Variants in YES1 observed in about 807,000 individuals in gnomAD.
YES1 encodes the protein YES proto-oncogene 1, Src family tyrosine kinase.
A neutral mutation model predicts 70.4 loss-of-function variants in YES1; 39 were observed. The ratio of observed to expected loss-of-function variants is 0.55; its 90% confidence interval spans 0.43 to 0.72. YES1 has a LOEUF of 0.72. Among genes scored for constraint, YES1 ranks in the 30% least tolerant of loss-of-function variants. YES1 has a pLI of 0.00. For synonymous variants in YES1, 198 were observed against 218.6 expected, an observed-to-expected ratio of 0.91 and a Z score of 0.83; for missense variants, 495 against 644.8, an observed-to-expected ratio of 0.77 and a Z score of 2.52.
intron 1 of YES1, among the ~76,000 whole-genome samples, chr18:777,989 A>G (rs116246620): frequency 1.3e-5 from 2 of 152,172 alleles, no homozygotes; most frequent in Non-Finnish European, 2.9e-5. Context: ...TTACACTGTT[A>G]AAGTATTTTG....
At chr18:786,907 T>C (rs780995150) in intron 1 of YES1, among the ~76,000 whole-genome samples, 2 of 152,024 alleles carry the variant, frequency 1.3e-5, no homozygotes, top group Non-Finnish European at 2.9e-5. Flanking sequence ...AAAAAGCTCA[T>C]AGGAACCTAA....
At position 722,439 on chromosome 18, in the gene YES1, C is replaced by G. The variant is rs1256250163; in HGVS notation, c.*1985G>C. ...GAATTTCGAATCTGATGATTAAAAT[C>G]AGGTAAATAATGATAGTTAAGAATT... On this transcript the variant is annotated 3_prime_UTR_variant, in exon 12 of 12. Transcript: ENST00000314574. 1 of 152,538 alleles carries G rather than the reference C, an allele frequency of 6.6e-6. No homozygotes were observed. Among genetic ancestry groups the G allele is most frequent in the Admixed American group, 6.5e-5 (1 of 15,274 alleles). 9.4% of individuals were successfully genotyped at this position (152,538 alleles called of 1,614,324 possible).
At chr18:812,654 C>T (rs1202978084), upstream of YES1, 1 of 152,630 alleles carries the variant, frequency 6.6e-6, no homozygotes, top group Non-Finnish European at 1.5e-5. Flanking sequence ...GCGTCCCTTC[C>T]CACCCGCGAA....
intron 1 of YES1, among the ~76,000 whole-genome samples, chr18:786,496 T>TACACACAC (rs56410052): frequency 0.053 from 7,447 of 139,430 alleles, 261 homozygotes; most frequent in South Asian, 0.075. Flanking sequence ...AATAAGTCCA[T>TACACACAC]ACACACACAC....
chr18:802,165 C>T (rs1474500037), intron 1 of YES1, among the ~76,000 whole-genome samples: 1 of 152,200 alleles, frequency 6.6e-6, no homozygotes, highest in East Asian at 1.9e-4. Context: ...AGGAGGATTA[C>T]TTGTGCCGAG....
At chr18:799,243 C>T (rs1906697192) in intron 1 of YES1, among the ~76,000 whole-genome samples, 1 of 152,182 alleles carries the variant, frequency 6.6e-6, no homozygotes, top group South Asian at 2.1e-4. Flanking sequence ...GAGATAATTA[C>T]CTGTTCTCCC....
chr18:747,550 C>G (rs572349453), intron 4 of YES1, among the ~76,000 whole-genome samples: 1 of 152,128 alleles, frequency 6.6e-6, no homozygotes, highest in African/African-American at 2.4e-5. Context: ...TATCAACACA[C>G]CCTCATATAT....
At chr18:767,188 T>C (rs981028102) in intron 1 of YES1, among the ~76,000 whole-genome samples, 1 of 152,178 alleles carries the variant, frequency 6.6e-6, no homozygotes, top group Non-Finnish European at 1.5e-5. Flanking sequence ...AAGGTCTGGC[T>C]ACTCTGGCTG....
chr18:730,249 G>A (rs567350217), intron 11 of YES1, among the ~76,000 whole-genome samples: 112 of 151,970 alleles, frequency 7.4e-4, no homozygotes, highest in African/African-American at 1.7e-3. Flanking sequence ...AACTCTGCTC[G>A]ACTCCCCAGC....
At chr18:744,264 A>G (rs984189094) in intron 6 of YES1, among the ~76,000 whole-genome samples, 3 of 152,072 alleles carry the variant, frequency 2.0e-5, no homozygotes, top group Admixed American at 6.6e-5. Context: ...CTGCCTTTGT[A>G]CACTGGGTTT....
chr18:765,288 A>ATATAGTTGTAACTCTCCCAAACC, intron 1 of YES1, among the ~76,000 whole-genome samples: 1 of 120,696 alleles, frequency 8.3e-6, no homozygotes, highest in East Asian at 2.3e-4. Context: ...ATATATATAT[A>ATATAGTTGTAACTCTCCCAAACC]TATATCTGTA....
chr18:766,936 C>T (rs1204821934), intron 1 of YES1, among the ~76,000 whole-genome samples: 1 of 152,104 alleles, frequency 6.6e-6, no homozygotes, highest in African/African-American at 2.4e-5. Context: ...TTTGCATTTC[C>T]ATAACAGTAT....
At chr18:731,738 C>A (rs1234877791) in intron 11 of YES1, among the ~76,000 whole-genome samples, 1 of 151,958 alleles carries the variant, frequency 6.6e-6, no homozygotes, top group Non-Finnish European at 1.5e-5. Flanking sequence ...GAGGCCGAGG[C>A]GGGCAGATCA....
intron 1 of YES1, among the ~76,000 whole-genome samples, chr18:792,930 G>A (rs1906344033): frequency 6.6e-6 from 1 of 151,776 alleles, no homozygotes; most frequent in South Asian, 2.1e-4. Flanking sequence ...AAAAATAGAG[G>A]AATCCTTCCA....
chr18:729,569 C>A (rs2080062573), intron 11 of YES1, among the ~76,000 whole-genome samples: 1 of 147,888 alleles, frequency 6.8e-6, no homozygotes, highest in Admixed American at 6.7e-5. Flanking sequence ...AAGTCTTTTG[C>A]TAACTCCAAG....
At chr18:753,143 A>G (rs1460048967) in intron 2 of YES1, among the ~76,000 whole-genome samples, 1 of 152,204 alleles carries the variant, frequency 6.6e-6, no homozygotes, top group Non-Finnish European at 1.5e-5. Context: ...TATTCAAGGC[A>G]GGTATTCAGG....
Position 745,167 on chromosome 18 carries a change from A to G in YES1, c.724+541T>C, listed in dbSNP as rs563348483. On this transcript the variant is annotated intron_variant, in intron 6 of 11. Coordinates refer to ENST00000314574, the MANE Select transcript of YES1 (RefSeq NM_005433.4). ...GCATTCATATGCCAAATTGGTAATGAAAAATTTTGAGACAGAAGATTCTAA... is the reference window on the plus strand; with the variant it reads ...GCATTCATATGCCAAATTGGTAATGGAAAATTTTGAGACAGAAGATTCTAA... Among the ~76,000 whole-genome samples, 10 of 152,296 alleles carry G rather than the reference A, an allele frequency of 6.6e-5. No homozygotes were observed. In the South Asian group the frequency reaches 2.1e-3, roughly 32 times the overall value.
chr18:752,235 G>A (rs1024296881), intron 2 of YES1, among the ~76,000 whole-genome samples: 6 of 152,154 alleles, frequency 3.9e-5, no homozygotes, highest in Non-Finnish European at 8.8e-5. Flanking sequence ...AGCTTCCCAA[G>A]TAGCTGGGAT....
intron 1 of YES1, among the ~76,000 whole-genome samples, chr18:786,960 GTAGT>G (rs1353193731): frequency 6.6e-6 from 1 of 151,654 alleles, no homozygotes; most frequent in Non-Finnish European, 1.5e-5. Context: ...CTTTGATTAG[GTAGT>G]TATTTGTAAT....
Sources: allele counts gnomAD v4.1 joint callset (sites outside exome capture counted in the v4.1 genomes callset), GRCh38; gene constraint gnomAD v4.1.1; transcripts MANE v1.5; gene names NCBI Gene and HGNC (gene_info 2026-07-23, HGNC 2026-07-21).